PLCG2: variants seen among roughly 807,000 people sequenced by gnomAD.
PLCG2 encodes 1-phosphatidylinositol 4,5-bisphosphate phosphodiesterase gamma-2.
A neutral mutation model predicts 175.6 loss-of-function variants in PLCG2; 69 were observed. The ratio of observed to expected loss-of-function variants is 0.39; its 90% CI spans 0.32 to 0.48. PLCG2 has a LOEUF of 0.48. Among genes scored for constraint, PLCG2 ranks in the 20% least tolerant of loss-of-function variants. The pLI is 0.91. For missense variants in PLCG2, 1,798 were observed against 1,650.9 expected (o/e 1.09, Z -1.54); for synonymous variants, 827 against 624.0 (o/e 1.33, Z -4.85).
intron 14 of PLCG2, among the ~76,000 whole-genome samples, chr16:81,902,380 G>A (rs1458265390): frequency 6.6e-6 from 1 of 152,188 alleles, no homozygotes; most frequent in African/African-American, 2.4e-5. Context: ...TCAAGGTCAG[G>A]GTGCTGGTAT....
intron 2 of PLCG2, among the ~76,000 whole-genome samples, chr16:81,827,738 T>C (rs1905101055): frequency 6.6e-6 from 1 of 151,984 alleles, no homozygotes; most frequent in African/African-American, 2.4e-5. Flanking sequence ...AGGCTCAGGG[T>C]CCACAGATCT....
At chr16:81,826,479 C>A (rs191891202) in intron 2 of PLCG2, among the ~76,000 whole-genome samples, 2 of 152,216 alleles carry the variant, frequency 1.3e-5, no homozygotes, top group African/African-American at 4.8e-5. Flanking sequence ...AGTCTCCTCA[C>A]TGATAAAATC....
At chr16:81,787,450 A>G (rs1445810015) in intron 2 of PLCG2, among the ~76,000 whole-genome samples, 1 of 123,180 alleles carries the variant, frequency 8.1e-6, no homozygotes, top group African/African-American at 3.2e-5. Context: ...CTTGTCTCCA[A>G]TTCCTGTGCT....
At chr16:81,903,022 G>T (rs1020131222) in intron 14 of PLCG2, among the ~76,000 whole-genome samples, 1 of 152,180 alleles carries the variant, frequency 6.6e-6, no homozygotes, top group Non-Finnish European at 1.5e-5. Flanking sequence ...TATAGGAGCT[G>T]CAATTCAAGG....
intron 2 of PLCG2, among the ~76,000 whole-genome samples, chr16:81,764,680 A>C (rs1910107901): frequency 6.6e-6 from 1 of 152,192 alleles, no homozygotes; most frequent in South Asian, 2.1e-4. Context: ...ACCAGGTTGA[A>C]CAGTGTCCCC....
intron 1 of PLCG2, among the ~76,000 whole-genome samples, chr16:81,755,565 G>A (rs970536250): frequency 4.0e-5 from 6 of 151,110 alleles, no homozygotes; most frequent in Non-Finnish European, 8.8e-5. Flanking sequence ...TCACTCTGTC[G>A]CCCAAGCTGG....
chr16:81,812,894 G>A (rs569020328), intron 2 of PLCG2, among the ~76,000 whole-genome samples: 1 of 152,170 alleles, frequency 6.6e-6, no homozygotes, highest in South Asian at 2.1e-4. Flanking sequence ...TCTGCATATG[G>A]CTAGCTGGTT....
intron 2 of PLCG2, among the ~76,000 whole-genome samples, chr16:81,851,099 C>G (rs980901833): frequency 6.6e-6 from 1 of 152,200 alleles, no homozygotes; most frequent in African/African-American, 2.4e-5. Context: ...ATCCCTAATA[C>G]TCTACCCCAC....
At chr16:81,797,498 C>T (rs1911521617) in intron 2 of PLCG2, among the ~76,000 whole-genome samples, 1 of 152,222 alleles carries the variant, frequency 6.6e-6, no homozygotes, top group African/African-American at 2.4e-5. Flanking sequence ...GTAGTCCTGA[C>T]CCACAGACTA....
chr16:81,760,855 A>G (rs1910027805), intron 2 of PLCG2, among the ~76,000 whole-genome samples: 1 of 152,046 alleles, frequency 6.6e-6, no homozygotes, highest in African/African-American at 2.4e-5. Context: ...ATCTCTGGCT[A>G]GGAGCTCAAG....
At chr16:81,771,438 T>C (rs1032395896) in intron 2 of PLCG2, among the ~76,000 whole-genome samples, 4 of 152,170 alleles carry the variant, frequency 2.6e-5, no homozygotes, top group Non-Finnish European at 4.4e-5. Flanking sequence ...TCCCTCTCTC[T>C]GGTGCTGTTG....
intron 2 of PLCG2, among the ~76,000 whole-genome samples, chr16:81,794,252 C>A (rs1911365570): frequency 6.6e-6 from 1 of 152,050 alleles, no homozygotes; most frequent in Non-Finnish European, 1.5e-5. Context: ...ATCCTGAAAT[C>A]CACTCTTGGA....
chr16:81,931,695 C>T, intron 25 of PLCG2, 41 bp downstream of exon 25: 2 of 1,593,912 alleles, frequency 1.3e-6, no homozygotes, highest in Admixed American at 1.7e-5. Context: ...GCCTGGCATT[C>T]TGAGGGCTTT....
upstream of PLCG2, among the ~76,000 whole-genome samples, chr16:81,778,293 C>A (rs1910546016): frequency 6.6e-6 from 1 of 152,016 alleles, no homozygotes. Context: ...TCGCTTGAGT[C>A]CCGGAGTTCG....
intron 7 of PLCG2, among the ~76,000 whole-genome samples, chr16:81,877,698 C>T (rs1052552361): frequency 1.3e-5 from 2 of 152,154 alleles, no homozygotes; most frequent in African/African-American, 4.8e-5. Context: ...GTGTAGATGG[C>T]ATTGCTCTTT....
At chr16:81,887,482 C>T (rs970370660) in intron 9 of PLCG2, among the ~76,000 whole-genome samples, 15 of 152,290 alleles carry the variant, frequency 9.8e-5, no homozygotes, top group African/African-American at 7.2e-5. Flanking sequence ...GATTCTGACA[C>T]CTCTGTATTC....
Position 81,803,592 on chromosome 16 carries a change from T to C in PLCG2, c.193+17410T>C, listed in dbSNP as rs369216572. ...CTTTCCTTTCCTTTCCTTTCTTTTC[T>C]TTTCTCCTTTTCTTTTCTTTTCTTT... On this transcript the variant is annotated intron_variant, in intron 2 of 32. Coordinates refer to ENST00000564138, the MANE Select transcript of PLCG2 (RefSeq NM_002661.5). Among the ~76,000 whole-genome samples the C allele has an allele frequency of 8.4e-4, 81 of 96,848 alleles. No individual in the cohort carries two copies. In the South Asian group the frequency reaches 0.013, roughly 16 times the overall value. 63.5% of individuals were successfully genotyped at this position (96,848 alleles called of 152,430 possible).
chr16:81,923,727 C>T (rs1037398891), intron 22 of PLCG2, 133 bp downstream of exon 22: 6 of 576,350 alleles, frequency 1.0e-5, no homozygotes, highest in Admixed American at 8.8e-5. Context: ...TGTGTTAAGT[C>T]CCTTCTTAGG....
chr16:81,809,843 T>C (rs917254193), intron 2 of PLCG2, among the ~76,000 whole-genome samples: 16 of 123,780 alleles, frequency 1.3e-4, no homozygotes, highest in African/African-American at 4.4e-4. Context: ...GGGGGTGGGG[T>C]CAGAAACCAG....
Sources: allele counts gnomAD v4.1 joint callset (sites outside exome capture counted in the v4.1 genomes callset), GRCh38; gene constraint gnomAD v4.1.1; transcripts MANE v1.5; gene names NCBI Gene and HGNC (gene_info 2026-07-23, HGNC 2026-07-21).